Variants in RPTOR observed in about 807,000 individuals in gnomAD.
The protein encoded by RPTOR is regulatory associated protein of MTOR complex 1, also known as regulatory-associated protein of mTOR.
RPTOR carries 21 observed loss-of-function variants against 169.9 expected under a neutral mutation model. The ratio of observed to expected loss-of-function variants is 0.12; its 90% CI spans 0.09 to 0.18. The LOEUF is 0.18. RPTOR is among the 10% of genes least tolerant of loss of function. RPTOR has a pLI of 1.00. For synonymous variants in RPTOR, 732 were observed against 753.2 expected (o/e 0.97, Z 0.46); for missense variants, 1,133 against 1,855.9 (o/e 0.61, Z 7.16).
rs954821905 is a variant in RPTOR, at chr17:80,861,790, T to A, written c.1509+3890T>A. ...CAACTTTGATTCTCAGACTTCGTGTTTTTAGTACCTTTTAGGACCTGGAAA... is the reference window on the plus strand; with the variant it reads ...CAACTTTGATTCTCAGACTTCGTGTATTTAGTACCTTTTAGGACCTGGAAA... On this transcript the variant is annotated intron_variant, in intron 13 of 33. Transcript: ENST00000306801. The surrounding 1 kb of genome is among the most constrained non-coding windows in gnomAD (Gnocchi z 4.5). Among the ~76,000 whole-genome samples, 3 of 152,076 alleles carry A rather than the reference T, an allele frequency of 2.0e-5. No homozygotes were observed. Among genetic ancestry groups the A allele is most frequent in the African/African-American group, 4.8e-5 (2 of 41,334 alleles).
rs1241856252 is a variant in RPTOR, at chr17:80,544,901, C to T, written c.-729C>T. 2 of 227,160 alleles carry T rather than the reference C, an allele frequency of 8.8e-6. No homozygotes were observed. The highest frequency in any genetic ancestry group is 2.2e-5 in the African/African-American group (1 of 44,914). 14.1% of individuals were successfully genotyped at this position (227,160 alleles called of 1,614,324 possible). A position where few individuals can be genotyped will look rare whatever the true frequency, so the allele number is the denominator to read the frequency against. On this transcript the variant is annotated 5_prime_UTR_variant, in exon 1 of 34. The change creates a premature stop within an existing upstream ORF in the 5' untranslated region. Coordinates refer to ENST00000306801, the MANE Select transcript of RPTOR (RefSeq NM_020761.3). ...GATGAGTTTCACTGTAGCTCCAAAC[C>T]AGAGGGCAAAGCTCCCATGACCCAA...
At chr17:80,757,644 T>C (rs2066694273) in intron 6 of RPTOR, among the ~76,000 whole-genome samples, 1 of 152,180 alleles carries the variant, frequency 6.6e-6, no homozygotes, top group Non-Finnish European at 1.5e-5. Flanking sequence ...CCATGCAATA[T>C]TTTGATACCT....
chr17:80,827,303 G>T (rs1036932482), intron 9 of RPTOR, among the ~76,000 whole-genome samples: 1 of 152,234 alleles, frequency 6.6e-6, no homozygotes, highest in African/African-American at 2.4e-5. Context: ...TGTGACAGCA[G>T]TGTCGCTGCA....
chr17:80,618,480 G>A (rs558134604), intron 1 of RPTOR, among the ~76,000 whole-genome samples: 4 of 152,318 alleles, frequency 2.6e-5, no homozygotes, highest in East Asian at 1.9e-4. Flanking sequence ...TGCAGTTTGC[G>A]TGGTGCAGGA....
At chr17:80,672,824 C>G (rs1258584181) in intron 3 of RPTOR, among the ~76,000 whole-genome samples, 1 of 152,086 alleles carries the variant, frequency 6.6e-6, no homozygotes, top group Non-Finnish European at 1.5e-5. Context: ...AACATAAGGT[C>G]TAACAAGATC....
At chr17:80,619,945 G>A (rs565629275) in intron 1 of RPTOR, among the ~76,000 whole-genome samples, 2 of 152,150 alleles carry the variant, frequency 1.3e-5, no homozygotes, top group African/African-American at 4.8e-5. Flanking sequence ...CCAAAGTGCC[G>A]TGGAGATCTT....
At chr17:80,693,693 T>C (rs950462753) in intron 3 of RPTOR, among the ~76,000 whole-genome samples, 41 of 152,368 alleles carry the variant, frequency 2.7e-4, no homozygotes, top group African/African-American at 9.9e-4. Context: ...GGCAGACTTA[T>C]GCCAGCCCTG....
At chr17:80,951,920 G>T (rs1338757495) in intron 28 of RPTOR, among the ~76,000 whole-genome samples, 5 of 152,188 alleles carry the variant, frequency 3.3e-5, no homozygotes, top group Non-Finnish European at 5.9e-5. Context: ...CACCAGGGTG[G>T]CCCTAACCCA....
At chr17:80,652,493 C>T (rs1474663779) in intron 3 of RPTOR, among the ~76,000 whole-genome samples, 1 of 152,186 alleles carries the variant, frequency 6.6e-6, no homozygotes, top group Non-Finnish European at 1.5e-5. Flanking sequence ...TAATTTAATC[C>T]TTCTTGTGTG....
intron 6 of RPTOR, among the ~76,000 whole-genome samples, chr17:80,767,345 T>C (rs1024113311): frequency 6.6e-6 from 1 of 152,156 alleles, no homozygotes; most frequent in African/African-American, 2.4e-5. Flanking sequence ...TGGTCCAGCA[T>C]AGACCACAGA....
intron 9 of RPTOR, among the ~76,000 whole-genome samples, chr17:80,827,470 C>T (rs28377227): frequency 6.6e-6 from 1 of 152,220 alleles, no homozygotes; most frequent in Admixed American, 6.5e-5. Context: ...TGGCCTCCCA[C>T]CACTCAGAGC....
intron 3 of RPTOR, among the ~76,000 whole-genome samples, chr17:80,685,651 T>A (rs1165044291): frequency 2.9e-4 from 27 of 92,772 alleles, no homozygotes; most frequent in East Asian, 2.3e-3. Context: ...TTTTTTTTTT[T>A]TTTTTTGCTG....
rs1474262412 is a variant in RPTOR, at chr17:80,844,175, A to G, written c.1213-2298A>G. On this transcript the variant is annotated intron_variant, in intron 10 of 33. Coordinates refer to ENST00000306801, the MANE Select transcript of RPTOR (RefSeq NM_020761.3). The surrounding 1 kb of genome is among the most constrained non-coding windows in gnomAD (Gnocchi z 4.7). ...GAGATGTTTTCCGGAATATCATATA[A>G]AGTGTTGGCCACTCTTCCGCAGGCG... 6.6e-6 allele frequency among the ~76,000 whole-genome samples: 1 copy of G among 152,150 alleles called. No individual in the cohort carries two copies. Among genetic ancestry groups the G allele is most frequent in the Non-Finnish European group, 1.5e-5 (1 of 68,010 alleles).
chr17:80,921,977 G>A (rs758480880), intron 21 of RPTOR, among the ~76,000 whole-genome samples: 7 of 152,176 alleles, frequency 4.6e-5, no homozygotes, highest in Non-Finnish European at 5.9e-5. Flanking sequence ...TGTTAAGGGC[G>A]GTCTTGAGTT....
intron 4 of RPTOR, among the ~76,000 whole-genome samples, chr17:80,710,317 C>A (rs1567869343): frequency 6.6e-6 from 1 of 151,872 alleles, no homozygotes; most frequent in East Asian, 1.9e-4. Context: ...TTTATTTGTC[C>A]TTCTTGTCTT....
In RPTOR at chr17:80,830,864, C is replaced by T. The variant is rs545317775; in HGVS notation, c.1137-7058C>T. Among the ~76,000 whole-genome samples, 31 of 152,028 alleles carry T rather than the reference C, an allele frequency of 2.0e-4. 1 individual carries two copies. In the East Asian group the frequency reaches 4.3e-3, roughly 21 times the overall value. On this transcript the variant is annotated intron_variant, in intron 9 of 33. Coordinates refer to ENST00000306801, the MANE Select transcript of RPTOR (RefSeq NM_020761.3). ...CTCCCAGGGTCAAGCAATCCTCTCA[C>T]GTCAGACCCCCAAGTAGCTGGGACT...
chr17:80,837,711 C>A (rs1012909410), intron 9 of RPTOR, among the ~76,000 whole-genome samples: 113 of 152,322 alleles, frequency 7.4e-4, no homozygotes, highest in African/African-American at 2.6e-3. Flanking sequence ...GCGTTCCCGG[C>A]CTGCACTCTC....
chr17:80,922,910 A>C, intron 22 of RPTOR, 83 bp downstream of exon 22: 3 of 1,137,664 alleles, frequency 2.6e-6, no homozygotes, highest in East Asian at 2.6e-5. Flanking sequence ...CGGCCTCCCC[A>C]TCCTCCTCCT....
chr17:80,755,708 C>T (rs2066673364), intron 6 of RPTOR, among the ~76,000 whole-genome samples: 1 of 142,366 alleles, frequency 7.0e-6, no homozygotes, highest in Admixed American at 7.6e-5. Flanking sequence ...CAGTGTACTC[C>T]AGCCTGGGTG....
Sources: gnomAD v4.1 joint callset for allele counts (sites outside exome capture counted in the v4.1 genomes callset) on GRCh38, gnomAD v4.1.1 for gene constraint, Gnocchi (gnomAD v3.1) non-coding constraint, MANE v1.5 for transcripts, NCBI Gene and HGNC (gene_info 2026-07-23, HGNC 2026-07-21) for gene names.